Variants in DOCK7 observed in about 807,000 individuals in gnomAD.
DOCK7 encodes the protein dedicator of cytokinesis 7, also known as dedicator of cytokinesis protein 7.
Under a neutral mutation model 271.0 loss-of-function variants are expected in DOCK7, and 138 were observed. The ratio of observed to expected loss-of-function variants is 0.51; its 90% CI spans 0.44 to 0.59. The LOEUF is 0.59. Ranked by LOEUF, DOCK7 falls within the 20% of genes least tolerant of loss-of-function variation. DOCK7 has a pLI of 0.00. For synonymous variants in DOCK7, 823 were observed against 876.1 expected (o/e 0.94, Z 1.07); for missense variants, 2,066 against 2,592.4 (o/e 0.80, Z 4.41).
At chr1:62,598,327 T>C (rs1411339119) in intron 14 of DOCK7, among the ~76,000 whole-genome samples, 2 of 152,072 alleles carry the variant, frequency 1.3e-5, no homozygotes, top group African/African-American at 4.8e-5. Context: ...TAGAACACTA[T>C]GTCATTACAC....
At chr1:62,521,972 T>C (rs866106592) in intron 31 of DOCK7, among the ~76,000 whole-genome samples, 4 of 151,576 alleles carry the variant, frequency 2.6e-5, no homozygotes, top group South Asian at 2.1e-4. Flanking sequence ...CGAGATATCA[T>C]CTCAAAAAAT....
chr1:62,553,342 ATATATATATATATTTTTTTT>A (rs1646001439), intron 21 of DOCK7, among the ~76,000 whole-genome samples: 2 of 33,008 alleles, frequency 6.1e-5, no homozygotes, highest in African/African-American at 9.1e-5. Flanking sequence ...ATATATATAT[ATATATATATATATTTTTTTT>A]TTTTTTTTTT....
At chr1:62,671,801 A>G (rs1660037470) in intron 1 of DOCK7, among the ~76,000 whole-genome samples, 2 of 151,988 alleles carry the variant, frequency 1.3e-5, no homozygotes, top group African/African-American at 2.4e-5. Context: ...TTTTTTAAAA[A>G]CAATTTTTTT....
intron 1 of DOCK7, among the ~76,000 whole-genome samples, chr1:62,686,881 A>G (rs186422703): frequency 0.017 from 2,186 of 132,306 alleles, 23 homozygotes; most frequent in Middle Eastern, 0.026. Flanking sequence ...CTGGAAAGAA[A>G]GAAAAAAAAA....
intron 13 of DOCK7, 114 bp from the exon 14 acceptor site, chr1:62,618,982 G>T: frequency 2.2e-6 from 2 of 894,978 alleles, no homozygotes; most frequent in East Asian, 2.5e-5. Flanking sequence ...GAATATTACA[G>T]AAACCAAATT....
rs1376771351 is a variant in DOCK7, at chr1:62,457,625, T to C, written c.6293A>G (p.Tyr2098Cys). Residue 2098 changes from tyrosine to cysteine, a missense_variant, in exon 49 of 50, where the codon TAT (tyrosine) becomes TGT (cysteine). Physicochemically the swap from Tyr to Cys is radical, Grantham distance 194. Coordinates refer to ENST00000635253, the MANE Select transcript of DOCK7 (RefSeq NM_001367561.1). ...KEYQRELERN[Y>C]HRLKEALQPL... ...CTGTAGGGCCTCTTTAAGGCGATGA[T>C]AGTTTCTCTCCAGTTCCCTTTGATA... is the stretch of plus-strand genomic sequence containing the variant. The C allele has an allele frequency of 7.4e-6, 12 of 1,614,228 alleles. No homozygotes were observed. Among genetic ancestry groups the C allele is most frequent in the Non-Finnish European group, 1.0e-5 (12 of 1,180,044 alleles).
chr1:62,597,445 A>T, intron 14 of DOCK7: 1 of 998,768 alleles, frequency 1.0e-6, no homozygotes, highest in Non-Finnish European at 1.5e-6. Flanking sequence ...ATGATTAACT[A>T]TGTTCACCTA....
At position 62,585,359 on chromosome 1, in the gene DOCK7, T is replaced by G. The variant is rs181816271; in HGVS notation, c.1800+1148A>C. ...GACATGGAAGGATAAAATAAGACTA[T>G]TAACAATGCACCTATTCTTAGGTCA... is the stretch of plus-strand genomic sequence containing the variant. On this transcript the variant is annotated intron_variant, in intron 15 of 49. Coordinates refer to ENST00000635253, the MANE Select transcript of DOCK7 (RefSeq NM_001367561.1). 9.7e-4 allele frequency among the ~76,000 whole-genome samples: 148 copies of G among 152,268 alleles called. 1 individual carries two copies. The highest frequency in any genetic ancestry group is 3.5e-3 in the African/African-American group (145 of 41,572).
chr1:62,475,497 G>GA (rs11330816), intron 46 of DOCK7, 146 bp from the exon 47 acceptor site: 3,442 of 887,078 alleles, frequency 3.9e-3, no homozygotes, highest in South Asian at 7.6e-3. Context: ...ATTCCTAAAT[G>GA]AAAAAAAAAA....
intron 43 of DOCK7, chr1:62,483,212 G>GTT (rs1557606787): frequency 2.6e-5 from 1 of 38,984 alleles, no homozygotes; most frequent in Admixed American, 3.8e-4. Flanking sequence ...TTTTTTTTTT[G>GTT]GGTAGAGATG....
intron 15 of DOCK7, among the ~76,000 whole-genome samples, chr1:62,585,830 T>C (rs17123712): frequency 0.036 from 5,539 of 152,228 alleles, 249 homozygotes; most frequent in African/African-American, 0.11. Flanking sequence ...AATTAGCACA[T>C]AGCTTGATTC....
At chr1:62,647,331 ATT>A (rs1476573691) in intron 7 of DOCK7, among the ~76,000 whole-genome samples, 1 of 152,154 alleles carries the variant, frequency 6.6e-6, no homozygotes, top group Non-Finnish European at 1.5e-5. Flanking sequence ...CAACTCTTTG[ATT>A]TTATATTTGT....
At chr1:62,466,293 A>G (rs932408525) in intron 48 of DOCK7, among the ~76,000 whole-genome samples, 1 of 152,254 alleles carries the variant, frequency 6.6e-6, no homozygotes, top group Non-Finnish European at 1.5e-5. Flanking sequence ...TTACTAAAAA[A>G]GAGAAGTGAG....
intron 21 of DOCK7, 75 bp downstream of exon 21, chr1:62,555,750 C>A: frequency 1.3e-6 from 2 of 1,492,500 alleles, no homozygotes; most frequent in Non-Finnish European, 9.0e-7. Flanking sequence ...ACAGTATGGA[C>A]TACAAAATTA....
chr1:62,666,137 C>A (rs1234334902), intron 1 of DOCK7, among the ~76,000 whole-genome samples: 1 of 151,998 alleles, frequency 6.6e-6, no homozygotes, highest in African/African-American at 2.4e-5. Flanking sequence ...GCACTCCAGC[C>A]TGGGCGACAG....
intron 1 of DOCK7, among the ~76,000 whole-genome samples, chr1:62,681,826 A>G (rs1661202741): frequency 6.6e-6 from 1 of 152,212 alleles, no homozygotes; most frequent in Non-Finnish European, 1.5e-5. Context: ...CTCACAAATT[A>G]TAATTTTGTG....
At chr1:62,571,290 CAT>C (rs1231778718) in intron 18 of DOCK7, among the ~76,000 whole-genome samples, 1 of 152,112 alleles carries the variant, frequency 6.6e-6, no homozygotes, top group African/African-American at 2.4e-5. Context: ...GGCCAACAAA[CAT>C]ACGAAAAAAA....
chr1:62,652,508 C>T (rs965832139), intron 4 of DOCK7, among the ~76,000 whole-genome samples: 23 of 152,116 alleles, frequency 1.5e-4, no homozygotes, highest in African/African-American at 5.3e-4. Context: ...TGAGCCTGAG[C>T]CACCTTATCT....
intron 29 of DOCK7, 120 bp from the exon 30 acceptor site, chr1:62,529,566 G>A: frequency 3.0e-6 from 2 of 656,990 alleles, no homozygotes; most frequent in Non-Finnish European, 4.5e-6. Flanking sequence ...TCTTACCTTT[G>A]TCATATATTT....
Sources: gnomAD v4.1 joint callset for allele counts (sites outside exome capture counted in the v4.1 genomes callset) on GRCh38, gnomAD v4.1.1 for gene constraint, MANE v1.5 for transcripts, NCBI Gene and HGNC (gene_info 2026-07-23, HGNC 2026-07-21) for gene names.